MPI: variants seen among roughly 807,000 people sequenced by gnomAD.
The protein encoded by MPI is mannose-6-phosphate isomerase.
MPI carries 33 observed loss-of-function variants against 40.1 expected under a neutral mutation model. The ratio of observed to expected loss-of-function variants is 0.82; its 90% CI spans 0.62 to 1.10. MPI has a LOEUF of 1.10. Among genes scored for constraint, MPI ranks in the 50% least tolerant of loss-of-function variants. The pLI is 0.00. For missense variants in MPI, 514 were observed against 524.1 expected (o/e 0.98, Z 0.19); for synonymous variants, 187 against 207.4 (o/e 0.90, Z 0.85).
rs1229707052 is a variant in MPI at position 74,892,651 on chromosome 15, C to T, written c.346-10C>T. On this transcript the variant is annotated splice_polypyrimidine_tract_variant and intron_variant, in intron 3 of 7. Coordinates refer to ENST00000352410, the MANE Select transcript of MPI (RefSeq NM_002435.3). ...CTCACCATCCTCCTCTTCCCCTGGC[C>T]ACCCCACAGGAGCTGGCAGAGAAGC... The T allele has an allele frequency of 6.2e-7, 1 of 1,613,962 alleles. No homozygotes were observed. The highest frequency in any genetic ancestry group is 8.5e-7 in the Non-Finnish European group (1 of 1,180,040).
intron 6 of MPI, chr15:74,896,795 C>G (rs1467154129): frequency 6.2e-6 from 4 of 645,208 alleles, no homozygotes; most frequent in Non-Finnish European, 1.1e-5. Flanking sequence ...GGCTCCCCAA[C>G]CCCCAGGGGT....
intron 6 of MPI, 23 bp downstream of exon 6, chr15:74,896,348 G>A (rs897963593): frequency 6.2e-7 from 1 of 1,613,670 alleles, no homozygotes; most frequent in Admixed American, 1.7e-5. Context: ...TCAGCAGTGA[G>A]CCCCACTGCC....
intron 5 of MPI, among the ~76,000 whole-genome samples, chr15:74,895,120 C>T (rs2064798195): frequency 6.8e-6 from 1 of 146,998 alleles, no homozygotes; most frequent in East Asian, 2.1e-4. Context: ...CACGTGCCAC[C>T]ACACCTGGCT....
chr15:74,892,562 A>C, intron 3 of MPI, 99 bp from the exon 4 acceptor site: 1 of 1,542,734 alleles, frequency 6.5e-7, no homozygotes, highest in Non-Finnish European at 8.9e-7. Flanking sequence ...CCATCCTGCA[A>C]CTGGGGAGGG....
At chr15:74,894,833 A>C (rs1350031338) in intron 5 of MPI, among the ~76,000 whole-genome samples, 1 of 151,930 alleles carries the variant, frequency 6.6e-6, no homozygotes, top group Non-Finnish European at 1.5e-5. Context: ...TTAAAAATTA[A>C]AGAAGTCCAC....
At chr15:74,892,143 G>A (rs747370156) in intron 3 of MPI, among the ~76,000 whole-genome samples, 7 of 152,186 alleles carry the variant, frequency 4.6e-5, no homozygotes, top group Middle Eastern at 3.4e-3. Flanking sequence ...ACAGGCACGC[G>A]CCACCACACC....
intron 1 of MPI, 167 bp downstream of exon 1, chr15:74,890,256 A>G: frequency 9.5e-7 from 1 of 1,054,704 alleles, no homozygotes; most frequent in Non-Finnish European, 1.4e-6. Context: ...CTCCGAGGGG[A>G]GGGGGCCCTT....
In MPI at chr15:74,890,065, G is replaced by A. The variant is rs765257602; in HGVS notation, c.-9G>A. On this transcript the variant is annotated 5_prime_UTR_variant, in exon 1 of 8. Transcript: ENST00000352410. ...GCATACGTGCTTAATCCTGGTGCAGGGGGCGAGCATGGCCGCTCCGCGAGG... is the reference window on the plus strand; with the variant it reads ...GCATACGTGCTTAATCCTGGTGCAGAGGGCGAGCATGGCCGCTCCGCGAGG... 2.9e-5 allele frequency: 46 copies of A among 1,606,930 alleles called. No homozygotes were observed. The highest frequency in any genetic ancestry group is 3.6e-5 in the Non-Finnish European group (43 of 1,179,976).
chr15:74,896,918 G>T, intron 6 of MPI, 93 bp from the exon 7 acceptor site: 1 of 1,182,110 alleles, frequency 8.5e-7, no homozygotes, highest in Non-Finnish European at 1.3e-6. Flanking sequence ...TACCTAACTT[G>T]GCATGGGGTT....
Position 74,896,015 on chromosome 15 carries a change from G to A in MPI, c.671-137G>A, listed in dbSNP as rs1165237810. On this transcript the variant is annotated intron_variant, in intron 5 of 7. Coordinates refer to ENST00000352410, the MANE Select transcript of MPI (RefSeq NM_002435.3). Reference sequence around the variant, plus strand: ...TCGACCCCCAAAGGGCTGGAGGCGTGGCCAGAAGGACAGGGCCACTTTGGC... The same window carrying A: ...TCGACCCCCAAAGGGCTGGAGGCGTAGCCAGAAGGACAGGGCCACTTTGGC... 5 of 942,500 alleles carry A rather than the reference G, an allele frequency of 5.3e-6. No individual in the cohort carries two copies. The Admixed American group carries it at 9.3e-5, about 18-fold the overall frequency. The allele number at this position is 942,500 out of a possible 1,614,324, so 58.4% of individuals were successfully genotyped here.
At chr15:74,892,574 G>A (rs1173029835) in intron 3 of MPI, 87 bp from the exon 4 acceptor site, 1 of 1,574,044 alleles carries the variant, frequency 6.4e-7, no homozygotes, top group African/African-American at 1.3e-5. Flanking sequence ...TGGGGAGGGT[G>A]GACAGCAGGG....
At chr15:74,895,739 C>A in intron 5 of MPI, 1 of 182,816 alleles carries the variant, frequency 5.5e-6, no homozygotes, top group Non-Finnish European at 1.2e-5. Context: ...ATTGTCAAAA[C>A]CCAGATAGGG....
At chr15:74,890,791 C>A in intron 2 of MPI, 137 bp downstream of exon 2, 1 of 1,143,554 alleles carries the variant, frequency 8.7e-7, no homozygotes, top group African/African-American at 1.5e-5. Flanking sequence ...GGCTAATGGA[C>A]TAGATAGTGT....
Position 74,897,121 on chromosome 15 carries a change from A to G in MPI, c.955A>G (p.Ser319Gly). 1 of 1,614,214 alleles carries G rather than the reference A, an allele frequency of 6.2e-7. No homozygotes were observed. The highest frequency in any genetic ancestry group is 2.2e-5 in the East Asian group (1 of 44,890). ...AATGCTCAGCTATACCCCTAGCTCC[A>G]GCAAGGACAGGCTCTTTCTCCCAAC... ...CEMLSYTPSSSKDRLFLPTRS... is the reference protein window; with the variant it reads ...CEMLSYTPSSGKDRLFLPTRS... The change falls in exon 7 of 8, where the codon AGC becomes GGC. Residue 319 changes from serine (S) to glycine (G), a missense_variant. By Grantham distance (56) the Ser-to-Gly change is moderately conservative. Coordinates refer to ENST00000352410, the MANE Select transcript of MPI (RefSeq NM_002435.3).
rs1200674107 is a variant in MPI, at chr15:74,893,170, G to A, written c.520G>A (p.Glu174Lys). 1.2e-6 allele frequency: 2 copies of A among 1,614,186 alleles called. No individual in the cohort carries two copies. Residue 174 changes from glutamate to lysine, a missense_variant, in exon 5 of 8, where the codon GAG (glutamate) becomes AAG (lysine). Glu to Lys is a moderately conservative substitution (Grantham distance 56, BLOSUM62 1). Coordinates refer to ENST00000352410, the MANE Select transcript of MPI (RefSeq NM_002435.3). The stretch of plus-strand genomic sequence containing the variant: ...TGAGTTTCAGTTCCTGATTGGAGAT[G>A]AGGCAGCAACACACCTGAAGCAGAC... ...VPEFQFLIGD[E>K]AATHLKQTMS...
Position 74,893,255 on chromosome 15 carries a change from T to G in MPI, c.605T>G (p.Met202Arg), listed in dbSNP as rs2064753056. The change falls in exon 5 of 8, where the codon ATG (methionine) becomes AGG (arginine). Residue 202 changes from methionine (M) to arginine (R), a missense_variant. Transcript: ENST00000352410. ...SSLQSCFSHLMKSEKKVVVEQ... is the reference protein window; with the variant it reads ...SSLQSCFSHLRKSEKKVVVEQ... ...CTGCAGAGCTGTTTCTCCCACCTGA[T>G]GAAGAGTGAGAAGAAGGTGGTGGTG... The G allele has an allele frequency of 6.2e-7, 1 of 1,614,178 alleles. No individual in the cohort carries two copies. Among genetic ancestry groups the G allele is most frequent in the East Asian group, 2.2e-5 (1 of 44,888 alleles).
chr15:74,896,817 C>A (rs2064825605), intron 6 of MPI, 194 bp from the exon 7 acceptor site: 2 of 669,916 alleles, frequency 3.0e-6, no homozygotes, highest in African/African-American at 1.8e-5. Flanking sequence ...AACATGACTC[C>A]CCTCTGACAA....
Position 74,891,566 on chromosome 15 carries a change from C to T in MPI, c.332C>T (p.Ala111Val), listed in dbSNP as rs780285052. The change falls in exon 3 of 8, where the codon GCA becomes GTA. Residue 111 changes from alanine to valine, a missense_variant. Ala to Val is a moderately conservative substitution (Grantham distance 64). Transcript: ENST00000352410. ...LSVETPLSIQ[A>V]HPNKELAEKL... Reference sequence around the variant, plus strand: ...GTTGAAACACCCCTGTCCATCCAGGCACACCCTAACAAGGTAAAGGACAGA... The same window carrying T: ...GTTGAAACACCCCTGTCCATCCAGGTACACCCTAACAAGGTAAAGGACAGA... 6.2e-7 allele frequency: 1 copy of T among 1,614,154 alleles called. No individual in the cohort carries two copies. The highest frequency in any genetic ancestry group is 8.5e-7 in the Non-Finnish European group (1 of 1,179,998).
rs575273886 is a variant in MPI at position 74,897,640 on chromosome 15, C to T, written c.1182C>T (p.Gly394=). The change falls in exon 8 of 8, where the codon GGC becomes GGT. Residue 394 remains glycine (G), a synonymous_variant. Transcript: ENST00000352410. The stretch of plus-strand genomic sequence containing the variant: ...CACCAATCCCTCTGCAACGTGGTGG[C>T]GTGCTCTTCATTGGGGCCAATGAGA... ...TQTPIPLQRG[G]VLFIGANESV... 8.1e-6 allele frequency: 13 copies of T among 1,614,192 alleles called. No individual in the cohort carries two copies. Among genetic ancestry groups the T allele is most frequent in the African/African-American group, 6.7e-5 (5 of 75,042 alleles).
Sources: allele counts gnomAD v4.1 joint callset (sites outside exome capture counted in the v4.1 genomes callset), GRCh38; gene constraint gnomAD v4.1.1; transcripts MANE v1.5; gene names NCBI Gene and HGNC (gene_info 2026-07-23, HGNC 2026-07-21).